EBF4: variants seen among roughly 807,000 people sequenced by gnomAD.
EBF4 encodes EBF transcription factor 4, also known as transcription factor COE4.
A neutral mutation model predicts 67.1 loss-of-function variants in EBF4; 34 were observed. The ratio of observed to expected loss-of-function variants is 0.51; its 90% confidence interval spans 0.39 to 0.67. EBF4 has a LOEUF of 0.67. Among genes scored for constraint, EBF4 ranks in the 30% least tolerant of loss-of-function variants. EBF4 has a pLI of 0.00. For missense variants in EBF4, 837 were observed against 873.3 expected, an observed-to-expected ratio of 0.96 and a Z score of 0.52; for synonymous variants, 387 against 377.7, an observed-to-expected ratio of 1.02 and a Z score of -0.29.
chr20:2,711,148 A>AAATAATAATAATAATAATAAT lies in EBF4; in HGVS notation c.557+1518_557+1538dup, dbSNP rs144765250. Among the ~76,000 whole-genome samples, 117 of 146,832 alleles carry AAATAATAATAATAATAATAAT rather than the reference A, an allele frequency of 8.0e-4. 2 individuals are homozygous for AAATAATAATAATAATAATAAT. Among genetic ancestry groups the AAATAATAATAATAATAATAAT allele is most frequent in the African/African-American group, 2.8e-3 (112 of 39,668 alleles). ...GGGCAACAGAGTGAGACCCTGTCTA[A>AAATAATAATAATAATAATAAT]AATAATAATAATAATAATAATAATA... is the stretch of plus-strand genomic sequence containing the variant. On this transcript the variant is annotated intron_variant, in intron 6 of 16. Transcript: ENST00000609451.
In EBF4 at chr20:2,756,772, C is replaced by G. The variant is rs187410833; in HGVS notation, c.1738+948C>G. Among the ~76,000 whole-genome samples the G allele has an allele frequency of 3.6e-3, 543 of 152,210 alleles. 4 individuals are homozygous for G. The highest frequency in any genetic ancestry group is 0.012 in the African/African-American group (504 of 41,518). On this transcript the variant is annotated intron_variant, in intron 15 of 16. Transcript: ENST00000609451. The surrounding 1 kb of genome is among the most constrained non-coding windows in gnomAD (Gnocchi z 4.5). ...TAGAGCACGTCCTATTGAGTATTCC[C>G]CAAGACAATAATGGGTCAGAGCAAC...
intron 6 of EBF4, among the ~76,000 whole-genome samples, chr20:2,734,393 G>A (rs2087852029): frequency 6.6e-6 from 1 of 152,160 alleles, no homozygotes; most frequent in Non-Finnish European, 1.5e-5. Context: ...GGGCAACAGA[G>A]CAAGACCCTG....
intron 5 of EBF4, 105 bp downstream of exon 5, chr20:2,708,125 C>A: frequency 8.5e-7 from 1 of 1,175,926 alleles, no homozygotes; most frequent in Non-Finnish European, 1.2e-6. Context: ...CTGCTCTCTG[C>A]TGCTGCTCCC....
At chr20:2,700,501 G>A (rs972077204) in intron 1 of EBF4, among the ~76,000 whole-genome samples, 1 of 152,124 alleles carries the variant, frequency 6.6e-6, no homozygotes, top group African/African-American at 2.4e-5. Context: ...TGAGATCAAA[G>A]ACTTTGGCCT....
chr20:2,693,501 G>A, upstream of EBF4: 1 of 1,002,264 alleles, frequency 1.0e-6, no homozygotes, highest in Non-Finnish European at 1.3e-6. This position sits in a 1 kb window ranked among gnomAD's most constrained non-coding sequence, Gnocchi z 4.6. Context: ...GAGCGCCCAA[G>A]AGGCGAGCGC....
chr20:2,724,835 TG>T (rs1194814288), intron 6 of EBF4, among the ~76,000 whole-genome samples: 1 of 152,142 alleles, frequency 6.6e-6, no homozygotes, highest in Non-Finnish European at 1.5e-5. Context: ...GCCCAGGAGC[TG>T]GGGATTACAG....
At chr20:2,749,744 G>A (rs1350615075) in exon 9 of EBF4, 2 of 1,534,840 alleles carry the variant, frequency 1.3e-6, no homozygotes, top group Admixed American at 2.0e-5. Flanking sequence ...ACGTGCTCGT[G>A]TGGAGCGAGG....
chr20:2,699,947 C>G (rs572975982), intron 1 of EBF4, among the ~76,000 whole-genome samples: 1 of 152,370 alleles, frequency 6.6e-6, no homozygotes, highest in South Asian at 2.1e-4. Flanking sequence ...GGTCAAGGCT[C>G]TGCCTCCCCT....
At chr20:2,749,916 C>G in exon 10 of EBF4, 1 of 1,551,654 alleles carries the variant, frequency 6.4e-7, no homozygotes, top group East Asian at 2.4e-5. Context: ...GGAGGTGACC[C>G]TCTCCTACAA....
At chr20:2,694,805 G>A (rs1304847536) in intron 1 of EBF4, among the ~76,000 whole-genome samples, 2 of 152,098 alleles carry the variant, frequency 1.3e-5, no homozygotes, top group African/African-American at 2.4e-5. Flanking sequence ...GACACACACC[G>A]CGCTTCATGT....
Position 2,756,294 on chromosome 20 carries a change from G to A in EBF4, c.1738+470G>A, listed in dbSNP as rs749223464. ...GAGGCTTAGCCCAGCTTCCCTCCCC[G>A]CATTTTACAGATTAGGACTTGAGAC... On this transcript the variant is annotated intron_variant, in intron 15 of 16. Transcript: ENST00000609451. The surrounding 1 kb of genome is among the most constrained non-coding windows in gnomAD (Gnocchi z 4.5). Among the ~76,000 whole-genome samples, 70 of 152,324 alleles carry A rather than the reference G, an allele frequency of 4.6e-4. No homozygotes were observed. Among genetic ancestry groups the A allele is most frequent in the South Asian group, 2.1e-4 (1 of 4,826 alleles).
rs1600249224 is a variant in EBF4, at chr20:2,755,836, A to G, written c.1738+12A>G. 1 of 1,542,288 alleles carries G rather than the reference A, an allele frequency of 6.5e-7. No homozygotes were observed. The highest frequency in any genetic ancestry group is 2.4e-5 in the East Asian group (1 of 40,872). On this transcript the variant is annotated intron_variant, in intron 15 of 16. Coordinates refer to ENST00000609451, the Ensembl canonical transcript of EBF4. The surrounding 1 kb of genome is among the most constrained non-coding windows in gnomAD (Gnocchi z 4.7). ...AGAGGGGCTTCCAGGTGAGTGATCC[A>G]CCCTGCCTCACTGTGGCAGGAAGGA...
chr20:2,755,679 C>T lies in EBF4; in HGVS notation c.1593C>T (p.Ala531=), dbSNP rs772406829. 14 of 1,550,170 alleles carry T rather than the reference C, an allele frequency of 9.0e-6. No homozygotes were observed. In the South Asian group the frequency reaches 9.5e-5, roughly 11 times the overall value. ...CTGCCTCCTCCATGTCCCTCCCGGC[C>T]GCTGCCCCCACCACCAGCGTGTTCT... is the stretch of plus-strand genomic sequence containing the variant. The change falls in exon 15 of 17, where the codon GCC becomes GCT. Residue 531 remains alanine (A), a synonymous_variant. Coordinates refer to ENST00000609451, the Ensembl canonical transcript of EBF4. The surrounding 1 kb of genome is among the most constrained non-coding windows in gnomAD (Gnocchi z 4.7).
rs1290837355 is a variant in EBF4 at position 2,693,944 on chromosome 20, C to T, written c.137+162C>T. Among the ~76,000 whole-genome samples, 1 of 152,192 alleles carries T rather than the reference C, an allele frequency of 6.6e-6. No individual in the cohort carries two copies. The highest frequency in any genetic ancestry group is 1.5e-5 in the Non-Finnish European group (1 of 68,018). ...CCCGTCCGGAGTGCCTGTGCTGCCT[C>T]CTGAGGCTGTGGGGCGGGCTGGGGC... On this transcript the variant is annotated intron_variant, in intron 1 of 16. Transcript: ENST00000609451. This position sits in a 1 kb window ranked among gnomAD's most constrained non-coding sequence, Gnocchi z 4.6.
intron 16 of EBF4, 131 bp from the exon 17 acceptor site, chr20:2,759,137 C>T: frequency 1.3e-6 from 1 of 746,468 alleles, no homozygotes; most frequent in Non-Finnish European, 2.2e-6. Context: ...CGGGGCCCAT[C>T]TAGACAGCTT....
chr20:2,744,206 G>C (rs1011631890), intron 6 of EBF4, among the ~76,000 whole-genome samples: 1 of 150,896 alleles, frequency 6.6e-6, no homozygotes, highest in African/African-American at 2.4e-5. Context: ...TCAGCCTCCC[G>C]AGTAGCTGGG....
exon 4 of EBF4, chr20:2,706,222 G>T: frequency 2.6e-6 from 4 of 1,552,218 alleles, no homozygotes; most frequent in Non-Finnish European, 3.5e-6. Flanking sequence ...TGCGGACAGA[G>T]CAAGACCTCT....
In EBF4 at chr20:2,693,660, G is replaced by A. The variant is rs932056231; in HGVS notation, c.15G>A (p.Gln5=). The change falls in exon 1 of 17, where the codon CAG becomes CAA. Residue 5 remains glutamine, a synonymous_variant. Transcript: ENST00000609451. The surrounding 1 kb of genome is among the most constrained non-coding windows in gnomAD (Gnocchi z 4.6). Reference sequence around the variant, plus strand: ...CGCGCGCCCTCATGTTCCCTGCGCAGGACGCTCTGCCCCGCAGCGGGCTGA... The same window carrying A: ...CGCGCGCCCTCATGTTCCCTGCGCAAGACGCTCTGCCCCGCAGCGGGCTGA... 1 of 1,446,574 alleles carries A rather than the reference G, an allele frequency of 6.9e-7. No homozygotes were observed. Among genetic ancestry groups the A allele is most frequent in the Non-Finnish European group, 9.0e-7 (1 of 1,106,502 alleles). 89.6% of individuals were successfully genotyped at this position (1,446,574 alleles called of 1,614,324 possible).
At chr20:2,705,432 A>G in intron 1 of EBF4, 145 bp from the exon 2 acceptor site, 1 of 1,106,566 alleles carries the variant, frequency 9.0e-7, no homozygotes, top group South Asian at 1.5e-5. Context: ...TCAGGCTGGA[A>G]AGGGCCTGTC....
Sources: allele counts gnomAD v4.1 joint callset (sites outside exome capture counted in the v4.1 genomes callset), GRCh38; gene constraint gnomAD v4.1.1; non-coding constraint Gnocchi (gnomAD v3.1); transcripts MANE v1.5; gene names NCBI Gene and HGNC (gene_info 2026-07-23, HGNC 2026-07-21).